The following GRB10 variants were observed in gnomAD, a reference collection of about 807,000 sequenced individuals.
The protein encoded by GRB10 is growth factor receptor-bound protein 10.
Under a neutral mutation model 80.9 loss-of-function variants are expected in GRB10, and 20 were observed. The ratio of observed to expected loss-of-function variants is 0.25; its 90% confidence interval spans 0.17 to 0.36. The LOEUF (loss-of-function observed/expected upper bound fraction) is 0.36. Ranked by LOEUF, GRB10 falls within the 10% of genes least tolerant of loss-of-function variation. The pLI is 1.00. For missense variants in GRB10, 548 were observed against 747.7 expected, an observed-to-expected ratio of 0.73 and a Z score of 3.12; for synonymous variants, 291 against 291.5, an observed-to-expected ratio of 1.00 and a Z score of 0.02.
chr7:50,773,653 C>T (rs2077264714), intron 2 of GRB10, among the ~76,000 whole-genome samples: 2 of 152,096 alleles, frequency 1.3e-5, no homozygotes, highest in Non-Finnish European at 2.9e-5. Context: ...CCTCAAAAAG[C>T]TAAGCATAGA....
intron 3 of GRB10, among the ~76,000 whole-genome samples, chr7:50,745,826 G>T (rs996739415): frequency 2.0e-5 from 3 of 152,106 alleles, no homozygotes; most frequent in Admixed American, 6.5e-5. Context: ...CTTTTTAAAG[G>T]CCTCAAAAAG....
rs1180081738 is a variant in GRB10, at chr7:50,674,423, G to C, written c.362+13C>G. ...TCCTTGGAGAAGGCTCTGCCCATAA[G>C]GCCTGGACCTACCTGACAGCGAGGA... On this transcript the variant is annotated intron_variant, in intron 6 of 18. Transcript: ENST00000401949. 1 of 1,601,560 alleles carries C rather than the reference G, an allele frequency of 6.2e-7. No individual in the cohort carries two copies. Among genetic ancestry groups the C allele is most frequent in the Non-Finnish European group, 8.5e-7 (1 of 1,179,402 alleles).
intron 4 of GRB10, among the ~76,000 whole-genome samples, chr7:50,731,859 G>C (rs2069796400): frequency 6.6e-6 from 1 of 152,160 alleles, no homozygotes; most frequent in Admixed American, 6.5e-5. Flanking sequence ...TCACGCGTGA[G>C]CACATGTGTC....
At chr7:50,709,760 T>A (rs2065610315) in intron 4 of GRB10, among the ~76,000 whole-genome samples, 1 of 152,012 alleles carries the variant, frequency 6.6e-6, no homozygotes, top group Admixed American at 6.5e-5. Flanking sequence ...GGCATGCCTG[T>A]TAGGGTACCA....
intron 2 of GRB10, among the ~76,000 whole-genome samples, chr7:50,769,448 G>C (rs1014403973): frequency 2.0e-5 from 3 of 152,066 alleles, no homozygotes; most frequent in African/African-American, 7.2e-5. Context: ...AGCTTCTCTT[G>C]GCAAATATAG....
intron 4 of GRB10, among the ~76,000 whole-genome samples, chr7:50,708,818 G>A (rs2065428818): frequency 6.6e-6 from 1 of 151,950 alleles, no homozygotes; most frequent in Non-Finnish European, 1.5e-5. Flanking sequence ...TGGGACTACA[G>A]GCACGCACCA....
At chr7:50,775,535 G>T (rs943689884) in intron 2 of GRB10, among the ~76,000 whole-genome samples, 3 of 152,338 alleles carry the variant, frequency 2.0e-5, no homozygotes, top group African/African-American at 7.2e-5. Flanking sequence ...GCTCCATTAG[G>T]CATTGTCCTT....
chr7:50,782,069 C>T lies in GRB10; in HGVS notation c.-327+355G>A, dbSNP rs2078340810. Among the ~76,000 whole-genome samples, 1 of 152,232 alleles carries T rather than the reference C, an allele frequency of 6.6e-6. No individual in the cohort carries two copies. Among genetic ancestry groups the T allele is most frequent in the Non-Finnish European group, 1.5e-5 (1 of 68,036 alleles). ...CATTTCCCAAACCGGTTCCCACACC[C>T]GCTGCCCACCACCTGGCGAGGAAGG... On this transcript the variant is annotated intron_variant, in intron 1 of 18. Coordinates refer to ENST00000401949, the MANE Select transcript of GRB10 (RefSeq NM_001350814.2). This position sits in a 1 kb window ranked among gnomAD's most constrained non-coding sequence, Gnocchi z 6.6.
chr7:50,778,656 G>A (rs545671852), intron 2 of GRB10, among the ~76,000 whole-genome samples: 3 of 152,262 alleles, frequency 2.0e-5, no homozygotes, highest in East Asian at 1.9e-4. Context: ...GGGTAGGGTC[G>A]GGCTAACGCT....
intron 7 of GRB10, among the ~76,000 whole-genome samples, chr7:50,649,370 G>C (rs2057698087): frequency 6.6e-6 from 1 of 152,210 alleles, no homozygotes; most frequent in African/African-American, 2.4e-5. Flanking sequence ...TGATGACCAA[G>C]TGGCAGTGAA....
At chr7:50,688,760 T>G (rs907403590) in intron 5 of GRB10, among the ~76,000 whole-genome samples, 8 of 108,468 alleles carry the variant, frequency 7.4e-5, no homozygotes, top group South Asian at 3.0e-4. Flanking sequence ...AGGCAGGCAG[T>G]GAGTGACAAG....
chr7:50,640,390 C>T (rs1381711114), intron 7 of GRB10, among the ~76,000 whole-genome samples: 1 of 152,194 alleles, frequency 6.6e-6, no homozygotes, highest in Admixed American at 6.5e-5. Flanking sequence ...AGGTAATCTT[C>T]AGATGGGTGA....
chr7:50,750,162 G>A (rs889277793), intron 3 of GRB10, among the ~76,000 whole-genome samples: 1 of 152,194 alleles, frequency 6.6e-6, no homozygotes, highest in Non-Finnish European at 1.5e-5. Flanking sequence ...GCAGCTCTCC[G>A]TGGGAAAGCA....
intron 4 of GRB10, among the ~76,000 whole-genome samples, chr7:50,715,507 C>G (rs956446143): frequency 6.6e-6 from 1 of 152,276 alleles, no homozygotes; most frequent in African/African-American, 2.4e-5. Flanking sequence ...AAACAGTTCA[C>G]CTCGCCCTTC....
chr7:50,786,100 T>C (rs112819072), upstream of GRB10, among the ~76,000 whole-genome samples: 284 of 151,860 alleles, frequency 1.9e-3, 1 homozygote, highest in African/African-American at 4.8e-3. Context: ...TATAAATATA[T>C]ATATAGAGAG....
intron 18 of GRB10, among the ~76,000 whole-genome samples, chr7:50,593,384 T>TTGCCCCCAGTTCACCCAGCTCA (rs1351828730): frequency 2.0e-5 from 3 of 152,102 alleles, no homozygotes; most frequent in African/African-American, 7.2e-5. Context: ...GGGCTCGAAG[T>TTGCCCCCAGTTCACCCAGCTCA]TGCCCCCAGT....
intron 8 of GRB10, among the ~76,000 whole-genome samples, chr7:50,619,898 C>T (rs1300737195): frequency 6.6e-6 from 1 of 152,108 alleles, no homozygotes; most frequent in African/African-American, 2.4e-5. Context: ...AAACACACTC[C>T]ATCCTCCAGC....
chr7:50,711,246 C>T (rs1297514486), intron 4 of GRB10, among the ~76,000 whole-genome samples: 2 of 151,574 alleles, frequency 1.3e-5, no homozygotes, highest in African/African-American at 2.4e-5. Context: ...TTAAAAGGGG[C>T]TCTCCCAGCC....
intron 7 of GRB10, among the ~76,000 whole-genome samples, chr7:50,660,544 C>T (rs1254656386): frequency 6.6e-6 from 1 of 152,078 alleles, no homozygotes. Context: ...CACATCAGCG[C>T]TGGAGCTGGG....
Sources: allele counts gnomAD v4.1 joint callset (sites outside exome capture counted in the v4.1 genomes callset), GRCh38; gene constraint gnomAD v4.1.1; non-coding constraint Gnocchi (gnomAD v3.1); transcripts MANE v1.5; gene names NCBI Gene and HGNC (gene_info 2026-07-23, HGNC 2026-07-21).